KIAA1328: variants seen among roughly 807,000 people sequenced by gnomAD.
KIAA1328 encodes the protein KIAA1328, also known as protein hinderin.
A neutral mutation model predicts 68.1 loss-of-function variants in KIAA1328; 52 were observed. The ratio of observed to expected loss-of-function variants is 0.76; its 90% confidence interval spans 0.61 to 0.96. KIAA1328 has a LOEUF of 0.96. KIAA1328 is among the 40% of genes least tolerant of loss of function. KIAA1328 has a pLI of 0.00. For missense variants in KIAA1328, 641 were observed against 677.6 expected, an observed-to-expected ratio of 0.95 and a Z score of 0.60; for synonymous variants, 232 against 239.4, an observed-to-expected ratio of 0.97 and a Z score of 0.28.
chr18:37,189,842 G>C (rs552894803), intron 9 of KIAA1328, among the ~76,000 whole-genome samples: 2 of 152,200 alleles, frequency 1.3e-5, no homozygotes, highest in South Asian at 4.1e-4. Context: ...AATTGCAGTG[G>C]TACTATAGAT....
chr18:36,988,884 G>T (rs2053055410), intron 6 of KIAA1328, among the ~76,000 whole-genome samples: 2 of 152,142 alleles, frequency 1.3e-5, no homozygotes, highest in African/African-American at 4.8e-5. Context: ...TTCCTCATCT[G>T]CAAATGGGGA....
chr18:37,027,567 A>G (rs938660017), intron 6 of KIAA1328, among the ~76,000 whole-genome samples: 2 of 152,228 alleles, frequency 1.3e-5, no homozygotes, highest in Admixed American at 1.3e-4. Flanking sequence ...AATACCACAT[A>G]TCTACAGCCA....
intron 6 of KIAA1328, among the ~76,000 whole-genome samples, chr18:36,995,049 C>T (rs1329186879): frequency 2.0e-5 from 3 of 152,126 alleles, no homozygotes; most frequent in South Asian, 2.1e-4. Context: ...GGAGGCTAGC[C>T]GCACCCATCA....
intron 5 of KIAA1328, among the ~76,000 whole-genome samples, chr18:36,941,855 C>A (rs1432914301): frequency 6.6e-6 from 1 of 151,576 alleles, no homozygotes; most frequent in African/African-American, 2.4e-5. Flanking sequence ...ACTAAAGACC[C>A]CAGGAAGCTT....
intron 4 of KIAA1328, among the ~76,000 whole-genome samples, chr18:36,882,648 A>T (rs2048361413): frequency 6.6e-6 from 1 of 152,236 alleles, no homozygotes; most frequent in South Asian, 2.1e-4. Flanking sequence ...GATTAAAAAG[A>T]AAAAGCCCTG....
chr18:36,890,083 T>C (rs2048630212), intron 5 of KIAA1328, among the ~76,000 whole-genome samples: 1 of 152,138 alleles, frequency 6.6e-6, no homozygotes, highest in South Asian at 2.1e-4. Flanking sequence ...ATTATCTCTC[T>C]GACTAGGGCT....
chr18:37,210,537 G>A (rs1025006491), intron 9 of KIAA1328, among the ~76,000 whole-genome samples: 2 of 152,140 alleles, frequency 1.3e-5, no homozygotes, highest in African/African-American at 2.4e-5. Context: ...GGTTTTTCAA[G>A]GGATGGTACT....
chr18:37,217,045 T>C (rs1009468218), intron 9 of KIAA1328, among the ~76,000 whole-genome samples: 3 of 151,576 alleles, frequency 2.0e-5, no homozygotes, highest in African/African-American at 7.3e-5. Flanking sequence ...ATCCCTTTAT[T>C]TTGAGCCTGT....
chr18:37,089,052 C>T (rs1215416877), intron 7 of KIAA1328, among the ~76,000 whole-genome samples: 1 of 151,818 alleles, frequency 6.6e-6, no homozygotes, highest in East Asian at 1.9e-4. Flanking sequence ...TTTAACAGTA[C>T]ATAATGGTTA....
At chr18:37,030,647 C>A (rs1207654841) in intron 6 of KIAA1328, among the ~76,000 whole-genome samples, 1 of 152,020 alleles carries the variant, frequency 6.6e-6, no homozygotes, top group Admixed American at 6.6e-5. Context: ...ATATAGTATT[C>A]TGTTTATCAG....
At chr18:36,841,077 G>A (rs998748060) in intron 3 of KIAA1328, among the ~76,000 whole-genome samples, 1 of 151,944 alleles carries the variant, frequency 6.6e-6, no homozygotes, top group Admixed American at 6.6e-5. Flanking sequence ...GAACCCCAGA[G>A]CAAATACTGC....
At chr18:36,987,431 C>A (rs2052977847) in intron 6 of KIAA1328, among the ~76,000 whole-genome samples, 1 of 145,692 alleles carries the variant, frequency 6.9e-6, no homozygotes. Context: ...CACATGTATA[C>A]ATATGTAACT....
chr18:37,012,645 A>G (rs1435916379), intron 6 of KIAA1328, among the ~76,000 whole-genome samples: 2 of 152,206 alleles, frequency 1.3e-5, no homozygotes, highest in African/African-American at 4.8e-5. Context: ...GTTTAAACAA[A>G]TTATGGTATC....
rs762836211 is a variant in KIAA1328 at position 37,087,811 on chromosome 18, TA to T, written c.1232+20275del. On this transcript the variant is annotated intron_variant, in intron 7 of 9. Coordinates refer to ENST00000280020, the MANE Select transcript of KIAA1328 (RefSeq NM_020776.3). Reference sequence around the variant, plus strand: ...TGCCAATGTGGGGAGCCAGGGGGAGTAAAAAAAAATGGGCTCATCACTTGTT... The same window carrying T: ...TGCCAATGTGGGGAGCCAGGGGGAGTAAAAAAAATGGGCTCATCACTTGTT... Among the ~76,000 whole-genome samples, 31 of 150,130 alleles carry T rather than the reference TA, an allele frequency of 2.1e-4. No homozygotes were observed. The South Asian group carries it at 2.7e-3, about 13-fold the overall frequency.
chr18:37,150,289 C>T (rs1348529969), intron 7 of KIAA1328, among the ~76,000 whole-genome samples: 2 of 152,104 alleles, frequency 1.3e-5, no homozygotes, highest in Non-Finnish European at 1.5e-5. Context: ...TTGTGAGAGG[C>T]TGTCCTGTGC....
chr18:37,030,680 TTTTA>T lies in KIAA1328; in HGVS notation c.577-36195_577-36192del, dbSNP rs909272637. The stretch of plus-strand genomic sequence containing the variant: ...CAGTAGGGTCAATATTTTTCTTTCT[TTTTA>T]TTTATTTATTTATTATACTTTAAGT... On this transcript the variant is annotated intron_variant, in intron 6 of 9. Transcript: ENST00000280020. Among the ~76,000 whole-genome samples the T allele has an allele frequency of 1.1e-4, 17 of 152,264 alleles. No individual in the cohort carries two copies. The East Asian group carries it at 1.5e-3, about 14-fold the overall frequency.
chr18:36,874,248 T>G (rs2150941777), intron 4 of KIAA1328, among the ~76,000 whole-genome samples: 1 of 152,322 alleles, frequency 6.6e-6, no homozygotes, highest in East Asian at 1.9e-4. Context: ...TTCTAGATAC[T>G]TGAGGAATCG....
At chr18:37,129,334 T>C (rs1164350830) in intron 7 of KIAA1328, among the ~76,000 whole-genome samples, 4 of 152,146 alleles carry the variant, frequency 2.6e-5, no homozygotes, top group African/African-American at 9.7e-5. Flanking sequence ...AGAACCTGAA[T>C]TTCCATCATT....
chr18:36,983,896 A>G (rs2052798978), intron 6 of KIAA1328, among the ~76,000 whole-genome samples: 1 of 152,168 alleles, frequency 6.6e-6, no homozygotes, highest in Non-Finnish European at 1.5e-5. Flanking sequence ...TTTAGAAACA[A>G]TAATATTTCC....
Sources: allele counts gnomAD v4.1 joint callset (sites outside exome capture counted in the v4.1 genomes callset), GRCh38; gene constraint gnomAD v4.1.1; transcripts MANE v1.5; gene names NCBI Gene and HGNC (gene_info 2026-07-23, HGNC 2026-07-21).